PACC1: variants seen among roughly 807,000 people sequenced by gnomAD.
PACC1 encodes proton-activated chloride channel.
Under a neutral mutation model 39.7 loss-of-function variants are expected in PACC1, and 34 were observed. The ratio of observed to expected loss-of-function variants is 0.86; its 90% CI spans 0.65 to 1.14. The LOEUF is 1.14. PACC1 is among the 50% of genes most tolerant of loss of function. The probability of loss-of-function intolerance (pLI) is 0.00; values close to 1 mark genes in which losing one functional copy is unlikely to be tolerated. For missense variants in PACC1, 379 were observed against 436.4 expected (o/e 0.87, Z 1.17); for synonymous variants, 127 against 160.6 (o/e 0.79, Z 1.58).
intron 2 of PACC1, 52 bp from the exon 3 acceptor site, chr1:212,387,152 CAG>C: frequency 6.3e-7 from 1 of 1,582,758 alleles, no homozygotes; most frequent in Non-Finnish European, 8.6e-7. Context: ...AAGGTACAGA[CAG>C]AGATGGCCAG....
chr1:212,374,701 A>C (rs1660583765), intron 7 of PACC1, among the ~76,000 whole-genome samples: 1 of 152,178 alleles, frequency 6.6e-6, no homozygotes, highest in African/African-American at 2.4e-5. Flanking sequence ...AAAATATGGC[A>C]TTAATTAATG....
chr1:212,392,540 G>C (rs1661361624), intron 2 of PACC1, among the ~76,000 whole-genome samples: 1 of 152,156 alleles, frequency 6.6e-6, no homozygotes, highest in Non-Finnish European at 1.5e-5. Flanking sequence ...CAACTAATGA[G>C]CAAAATAACC....
chr1:212,381,171 T>C (rs1415058684), intron 4 of PACC1, among the ~76,000 whole-genome samples: 2 of 152,236 alleles, frequency 1.3e-5, no homozygotes, highest in African/African-American at 4.8e-5. Context: ...AAAGTGATGG[T>C]ATTTTTTACT....
At chr1:212,388,710 C>T (rs1220050374) in intron 2 of PACC1, among the ~76,000 whole-genome samples, 1 of 152,200 alleles carries the variant, frequency 6.6e-6, no homozygotes, top group African/African-American at 2.4e-5. Context: ...ATTGGATTCT[C>T]GCTTCCAGAA....
At chr1:212,398,497 C>A (rs922918130) in intron 2 of PACC1, among the ~76,000 whole-genome samples, 1 of 152,138 alleles carries the variant, frequency 6.6e-6, no homozygotes, top group Non-Finnish European at 1.5e-5. Flanking sequence ...GTCAGTGAGG[C>A]CCCTTTAGGT....
intron 2 of PACC1, among the ~76,000 whole-genome samples, chr1:212,395,416 C>T (rs1661478604): frequency 1.3e-5 from 2 of 152,210 alleles, no homozygotes; most frequent in African/African-American, 2.4e-5. Flanking sequence ...CCCTTCCTTA[C>T]ACTGTATACA....
At chr1:212,414,561 G>C (rs1256213691) in intron 1 of PACC1, among the ~76,000 whole-genome samples, 161 bp downstream of exon 1, 1 of 152,066 alleles carries the variant, frequency 6.6e-6, no homozygotes, top group Non-Finnish European at 1.5e-5. Flanking sequence ...CCCCTGGGCC[G>C]CTCCTCTGCA....
intron 2 of PACC1, among the ~76,000 whole-genome samples, chr1:212,404,830 A>T (rs542496388): frequency 6.6e-6 from 1 of 151,962 alleles, no homozygotes; most frequent in South Asian, 2.1e-4. Context: ...GTGCAGTGGC[A>T]CAATCTCGGC....
chr1:212,384,771 C>A (rs1661034981), intron 4 of PACC1, among the ~76,000 whole-genome samples: 1 of 152,226 alleles, frequency 6.6e-6, no homozygotes, highest in African/African-American at 2.4e-5. Flanking sequence ...TGCACGACAG[C>A]ATGGCCAGCC....
In PACC1 at chr1:212,385,207, T is replaced by C. The variant is rs1016784456; in HGVS notation, c.495+67A>G. On this transcript the variant is annotated intron_variant, in intron 4 of 7. Transcript: ENST00000261455. ...GAAGGACTCCTAGGAAAAAGGAAAC[T>C]TGGGGCCTTGGGTTGCGGGGCTAAC... 2.2e-5 allele frequency: 35 copies of C among 1,591,214 alleles called. 1 individual carries two copies. The African/African-American group carries it at 3.9e-4, about 18-fold the overall frequency.
At chr1:212,367,300 G>A (rs1009839007) in intron 7 of PACC1, among the ~76,000 whole-genome samples, 3 of 152,300 alleles carry the variant, frequency 2.0e-5, no homozygotes, top group African/African-American at 7.2e-5. Context: ...AGGGTCTCAC[G>A]CTGCCTACAC....
intron 7 of PACC1, among the ~76,000 whole-genome samples, chr1:212,371,227 G>T (rs1471003138): frequency 8.3e-6 from 1 of 120,342 alleles, no homozygotes; most frequent in Admixed American, 1.0e-4. Flanking sequence ...TTGTGATAGA[G>T]CAAGACTCCA....
intron 2 of PACC1, among the ~76,000 whole-genome samples, chr1:212,406,105 C>CAAAAAAAAAAAAAAAAAAAAAAAA (rs58332482): frequency 1.8e-5 from 1 of 55,642 alleles, no homozygotes; most frequent in African/African-American, 6.7e-5. Flanking sequence ...TCCCACCCCA[C>CAAAAAAAAAAAAAAAAAAAAAAAA]AAAAAAAAAA....
chr1:212,385,122 T>A (rs1661049583), intron 4 of PACC1, 152 bp downstream of exon 4: 1 of 840,750 alleles, frequency 1.2e-6, no homozygotes. Context: ...CAGCCAAGTG[T>A]CCACATGGCA....
intron 7 of PACC1, among the ~76,000 whole-genome samples, 165 bp from the exon 8 acceptor site, chr1:212,365,541 C>G (rs1660208827): frequency 6.6e-6 from 1 of 151,664 alleles, no homozygotes; most frequent in African/African-American, 2.4e-5. Context: ...AGCAATTCTC[C>G]TGCCTCAGCC....
At chr1:212,390,148 G>C (rs773198897) in intron 2 of PACC1, among the ~76,000 whole-genome samples, 2 of 152,084 alleles carry the variant, frequency 1.3e-5, no homozygotes, top group Non-Finnish European at 2.9e-5. Flanking sequence ...TGAGGCCGGG[G>C]GTGTGGTGGT....
chr1:212,392,862 G>A (rs982290985), intron 2 of PACC1, among the ~76,000 whole-genome samples: 3 of 151,452 alleles, frequency 2.0e-5, no homozygotes, highest in African/African-American at 4.9e-5. Context: ...ATGGTAAAGG[G>A]ATCAATTCAA....
chr1:212,376,138 G>A (rs1660658056), intron 6 of PACC1, among the ~76,000 whole-genome samples: 1 of 152,012 alleles, frequency 6.6e-6, no homozygotes, highest in South Asian at 2.1e-4. Flanking sequence ...TACTAAAGAC[G>A]CTGTGTGGTG....
At chr1:212,413,268 A>G (rs1662201919) in intron 1 of PACC1, among the ~76,000 whole-genome samples, 1 of 152,238 alleles carries the variant, frequency 6.6e-6, no homozygotes, top group South Asian at 2.1e-4. Context: ...ACACTAAAAA[A>G]TGGCAAGCCT....
Sources: gnomAD v4.1 joint callset for allele counts (sites outside exome capture counted in the v4.1 genomes callset) on GRCh38, gnomAD v4.1.1 for gene constraint, MANE v1.5 for transcripts, NCBI Gene and HGNC (gene_info 2026-07-23, HGNC 2026-07-21) for gene names.